The following NPHP1 variants were observed in gnomAD, a reference collection of about 807,000 sequenced individuals.
NPHP1 encodes nephrocystin-1.
Under a neutral mutation model 90.4 loss-of-function variants are expected in NPHP1, and 70 were observed. The ratio of observed to expected loss-of-function variants is 0.77; its 90% CI spans 0.64 to 0.95. The LOEUF (loss-of-function observed/expected upper bound fraction) is 0.95. NPHP1 is among the 40% of genes least tolerant of loss of function. The pLI is 0.00. For missense variants in NPHP1, 764 were observed against 795.9 expected (o/e 0.96, Z 0.48); for synonymous variants, 256 against 271.7 (o/e 0.94, Z 0.57).
At chr2:110,130,689 C>T (rs1407607091) in intron 17 of NPHP1, among the ~76,000 whole-genome samples, 1 of 152,180 alleles carries the variant, frequency 6.6e-6, no homozygotes, top group Admixed American at 6.5e-5. Flanking sequence ...TCAAGCCCTC[C>T]AACACATGCA....
chr2:110,138,149 G>A (rs1680352430), intron 16 of NPHP1, among the ~76,000 whole-genome samples: 1 of 145,368 alleles, frequency 6.9e-6, no homozygotes, highest in African/African-American at 2.5e-5. Flanking sequence ...ACAGGAAGGG[G>A]AACATCATAC....
chr2:110,178,379 T>C, intron 4 of NPHP1, 44 bp downstream of exon 4: 1 of 1,568,568 alleles, frequency 6.4e-7, no homozygotes, highest in African/African-American at 1.3e-5. Flanking sequence ...CTATTGGTGA[T>C]ATATCTTTAA....
At chr2:110,159,143 C>G (rs1286117516) in intron 11 of NPHP1, among the ~76,000 whole-genome samples, 1 of 151,934 alleles carries the variant, frequency 6.6e-6, no homozygotes, top group African/African-American at 2.4e-5. Context: ...TTGGTTATGA[C>G]ATAATGTCCT....
At chr2:110,194,129 C>G (rs370772084) in intron 2 of NPHP1, among the ~76,000 whole-genome samples, 1 of 152,018 alleles carries the variant, frequency 6.6e-6, no homozygotes, top group Admixed American at 6.6e-5. Context: ...CATTCAAAAG[C>G]TAGCAGAAGG....
At chr2:110,173,108 AC>A (rs1683272504) in intron 4 of NPHP1, among the ~76,000 whole-genome samples, 1 of 151,416 alleles carries the variant, frequency 6.6e-6, no homozygotes, top group Admixed American at 6.6e-5. Context: ...ACAGGCATGC[AC>A]CACCATGCCC....
At chr2:110,203,854 G>A (rs956867178) in intron 1 of NPHP1, among the ~76,000 whole-genome samples, 1 of 149,744 alleles carries the variant, frequency 6.7e-6, no homozygotes, top group Non-Finnish European at 1.5e-5. Context: ...GGCTAGTCTC[G>A]AACTCCTGGG....
intron 6 of NPHP1, among the ~76,000 whole-genome samples, chr2:110,166,267 C>T (rs573147832): frequency 1.3e-5 from 2 of 152,304 alleles, no homozygotes; most frequent in South Asian, 2.1e-4. Context: ...AGGGGATAAT[C>T]GGGCAAGTGT....
At chr2:110,139,229 A>G (rs961039397) in intron 16 of NPHP1, among the ~76,000 whole-genome samples, 8 of 149,114 alleles carry the variant, frequency 5.4e-5, no homozygotes, top group Non-Finnish European at 1.0e-4. Context: ...ACACACACAC[A>G]CACGCAACCT....
intron 2 of NPHP1, among the ~76,000 whole-genome samples, chr2:110,188,142 T>C (rs1574181895): frequency 2.0e-5 from 3 of 152,234 alleles, no homozygotes; most frequent in South Asian, 2.1e-4. Context: ...TCCTATTCAA[T>C]GCAGTGTTGG....
chr2:110,188,649 A>G (rs2104655956), intron 2 of NPHP1, among the ~76,000 whole-genome samples: 1 of 152,302 alleles, frequency 6.6e-6, no homozygotes, highest in East Asian at 1.9e-4. Context: ...TCACAGAATT[A>G]GAAAAAGCTA....
At chr2:110,194,319 G>C (rs1420097000) in intron 2 of NPHP1, among the ~76,000 whole-genome samples, 1 of 152,044 alleles carries the variant, frequency 6.6e-6, no homozygotes, top group Non-Finnish European at 1.5e-5. Context: ...AAATGATAAA[G>C]GGGATATCAC....
rs1387140877 is a variant in NPHP1, at chr2:110,147,851, G to GAC, written c.1269+63_1269+64dup. 5.0e-5 allele frequency: 46 copies of GAC among 923,662 alleles called. 1 individual carries two copies. The East Asian group carries it at 1.1e-3, about 21-fold the overall frequency. The allele number at this position is 923,662 out of a possible 1,614,324, so 57.2% of individuals were successfully genotyped here. ...GACTTCAAGGATTTCCTTGTCAATA[G>GAC]ACACATTTTTTAACCTTCCCTTTTA... On this transcript the variant is annotated intron_variant, in intron 13 of 19. Transcript: ENST00000445609.
chr2:110,133,507 T>C (rs780033593), intron 16 of NPHP1, among the ~76,000 whole-genome samples: 1 of 151,976 alleles, frequency 6.6e-6, no homozygotes, highest in African/African-American at 2.4e-5. Flanking sequence ...AAACAGAAGA[T>C]CAATAACACT....
At chr2:110,133,742 A>G (rs886359711) in intron 16 of NPHP1, among the ~76,000 whole-genome samples, 3 of 151,288 alleles carry the variant, frequency 2.0e-5, no homozygotes. Flanking sequence ...ACTGGAAAAC[A>G]CATAAATATG....
At chr2:110,147,543 A>C (rs1396549787) in intron 13 of NPHP1, among the ~76,000 whole-genome samples, 2 of 152,118 alleles carry the variant, frequency 1.3e-5, no homozygotes, top group Non-Finnish European at 2.9e-5. Flanking sequence ...CTACTCTGCT[A>C]AGTCCCTTAA....
intron 2 of NPHP1, among the ~76,000 whole-genome samples, chr2:110,185,742 C>G (rs1192873147): frequency 6.6e-6 from 1 of 152,134 alleles, no homozygotes; most frequent in African/African-American, 2.4e-5. Context: ...ATCCCAAGAG[C>G]TAATACAGAG....
At chr2:110,183,167 G>A (rs1054344880) in intron 2 of NPHP1, among the ~76,000 whole-genome samples, 3 of 152,104 alleles carry the variant, frequency 2.0e-5, no homozygotes, top group Non-Finnish European at 2.9e-5. Context: ...CCATAAACTG[G>A]CCCCAAAACT....
At chr2:110,191,171 G>A (rs1684703757) in intron 2 of NPHP1, among the ~76,000 whole-genome samples, 1 of 152,150 alleles carries the variant, frequency 6.6e-6, no homozygotes. Flanking sequence ...GTGGGTGCAG[G>A]AAAGTGGGTG....
chr2:110,146,986 TC>T (rs762569117), intron 13 of NPHP1, 151 bp from the exon 14 acceptor site: 1 of 671,810 alleles, frequency 1.5e-6, no homozygotes, highest in Non-Finnish European at 2.7e-6. Context: ...CAGTAGAATC[TC>T]ATTTTGCCTG....
Sources: gnomAD v4.1 joint callset for allele counts (sites outside exome capture counted in the v4.1 genomes callset) on GRCh38, gnomAD v4.1.1 for gene constraint, MANE v1.5 for transcripts, NCBI Gene and HGNC (gene_info 2026-07-23, HGNC 2026-07-21) for gene names.